ASIC2: variants seen among roughly 807,000 people sequenced by gnomAD.
ASIC2 encodes the protein acid sensing ion channel subunit 2, also known as acid-sensing ion channel 2.
In ASIC2, 25 loss-of-function variants were observed where a neutral mutation model predicts 57.3. That is an observed-to-expected ratio of 0.44 (90% CI 0.32 to 0.61). The LOEUF (loss-of-function observed/expected upper bound fraction) is 0.61, where lower values mean the gene tolerates loss of function less well. ASIC2 is among the 20% of genes least tolerant of loss of function. ASIC2 has a pLI of 0.06. For synonymous variants in ASIC2, 319 were observed against 307.5 expected (o/e 1.04, Z -0.39); for missense variants, 641 against 738.1 (o/e 0.87, Z 1.52).
intron 1 of ASIC2, among the ~76,000 whole-genome samples, chr17:34,133,538 G>A (rs1403310026): frequency 3.3e-5 from 5 of 152,230 alleles, no homozygotes; most frequent in South Asian, 4.1e-4. Context: ...ACATTCACAC[G>A]CATGGCCACA....
chr17:33,218,632 G>A (rs918200123), intron 1 of ASIC2, among the ~76,000 whole-genome samples: 1 of 151,976 alleles, frequency 6.6e-6, no homozygotes, highest in Non-Finnish European at 1.5e-5. Context: ...CATTGCCGGG[G>A]TGGGGGTGGG....
intron 1 of ASIC2, among the ~76,000 whole-genome samples, chr17:33,700,986 T>A (rs1486140827): frequency 6.6e-6 from 1 of 152,154 alleles, no homozygotes; most frequent in African/African-American, 2.4e-5. Context: ...GTAAAATTAA[T>A]CACCACACAA....
intron 9 of ASIC2, 34 bp from the exon 10 acceptor site, chr17:33,014,100 C>G (rs376084583): frequency 1.3e-5 from 20 of 1,523,880 alleles, no homozygotes; most frequent in Non-Finnish European, 1.7e-5. Context: ...GTTTATTATT[C>G]GCTCAGCAAA....
At chr17:33,091,569 C>G (rs2092157780) in intron 2 of ASIC2, among the ~76,000 whole-genome samples, 1 of 152,254 alleles carries the variant, frequency 6.6e-6, no homozygotes, top group African/African-American at 2.4e-5. Context: ...TCAGAAATGC[C>G]ATGAGTAATG....
intron 1 of ASIC2, among the ~76,000 whole-genome samples, chr17:33,720,867 G>T (rs1909369004): frequency 6.6e-6 from 1 of 152,178 alleles, no homozygotes; most frequent in Non-Finnish European, 1.5e-5. Flanking sequence ...GAAAGGGAAG[G>T]TGTTTTAGAG....
At chr17:34,012,292 G>A (rs1259128932) in intron 1 of ASIC2, among the ~76,000 whole-genome samples, 1 of 152,124 alleles carries the variant, frequency 6.6e-6, no homozygotes. Flanking sequence ...CATTTAGACA[G>A]TAGCTACCTG....
chr17:33,156,006 G>A (rs565629217), intron 1 of ASIC2, among the ~76,000 whole-genome samples: 1 of 152,314 alleles, frequency 6.6e-6, no homozygotes, highest in Non-Finnish European at 1.5e-5. Context: ...TAGCAGCTGA[G>A]AGACTGGAGA....
intron 1 of ASIC2, among the ~76,000 whole-genome samples, chr17:34,149,180 C>T (rs965871751): frequency 6.7e-6 from 1 of 150,000 alleles, no homozygotes; most frequent in Non-Finnish European, 1.5e-5. Flanking sequence ...GATCATGGCT[C>T]CCTGCAGCTT....
At chr17:33,473,312 T>C (rs1407975337) in intron 1 of ASIC2, among the ~76,000 whole-genome samples, 2 of 152,260 alleles carry the variant, frequency 1.3e-5, no homozygotes, top group Admixed American at 1.3e-4. Flanking sequence ...TGAAAAGCAC[T>C]GGGTGGATAA....
intron 1 of ASIC2, among the ~76,000 whole-genome samples, chr17:33,886,546 C>G (rs1274186934): frequency 1.3e-5 from 2 of 152,170 alleles, no homozygotes; most frequent in Non-Finnish European, 2.9e-5. Context: ...CATGAGATTA[C>G]AGATTAGTTT....
intron 1 of ASIC2, among the ~76,000 whole-genome samples, chr17:33,558,353 T>A (rs1393683159): frequency 6.6e-6 from 1 of 152,234 alleles, no homozygotes; most frequent in Admixed American, 6.5e-5. Flanking sequence ...TATGTTATCT[T>A]CCTCTGAAGA....
chr17:33,197,979 G>T lies in ASIC2; in HGVS notation c.709-85912C>A, dbSNP rs569442589. Among the ~76,000 whole-genome samples the T allele has an allele frequency of 3.5e-3, 530 of 152,298 alleles. 4 individuals carry two copies. The highest frequency in any genetic ancestry group is 0.012 in the African/African-American group (497 of 41,576). ...TCCTGGGCCTCACAGATGTTAGTGGGGAACCTGGCTCCTGGGAACATTATT... is the reference window on the plus strand; with the variant it reads ...TCCTGGGCCTCACAGATGTTAGTGGTGAACCTGGCTCCTGGGAACATTATT... On this transcript the variant is annotated intron_variant, in intron 1 of 9. Transcript: ENST00000225823.
intron 1 of ASIC2, among the ~76,000 whole-genome samples, chr17:33,227,382 A>G (rs142258563): frequency 1.4e-3 from 216 of 152,300 alleles, no homozygotes; most frequent in Middle Eastern, 3.4e-3. Flanking sequence ...CTGCAGCTCC[A>G]GTACCTATGT....
intron 1 of ASIC2, among the ~76,000 whole-genome samples, chr17:33,317,995 G>A (rs186927877): frequency 8.1e-4 from 123 of 151,974 alleles, no homozygotes; most frequent in Non-Finnish European, 1.2e-3. Context: ...CCTAGGGAAT[G>A]AAACCTCCAG....
chr17:33,874,779 T>G, intron 1 of ASIC2, among the ~76,000 whole-genome samples: 1 of 152,240 alleles, frequency 6.6e-6, no homozygotes, highest in Non-Finnish European at 1.5e-5. Flanking sequence ...CTCCATCACT[T>G]TGTTCCACTG....
chr17:33,118,037 T>C (rs2141993881), intron 1 of ASIC2, among the ~76,000 whole-genome samples: 1 of 152,282 alleles, frequency 6.6e-6, no homozygotes, highest in South Asian at 2.1e-4. Flanking sequence ...ATGGGATTCC[T>C]GGGGGCCAAG....
chr17:34,063,320 C>T (rs970485224), intron 1 of ASIC2, among the ~76,000 whole-genome samples: 5 of 152,058 alleles, frequency 3.3e-5, no homozygotes, highest in Admixed American at 1.3e-4. Context: ...AATCCAGCAT[C>T]CTTTATGATT....
At chr17:33,134,832 C>T (rs925238140) in intron 1 of ASIC2, among the ~76,000 whole-genome samples, 1 of 150,248 alleles carries the variant, frequency 6.7e-6, no homozygotes, top group Non-Finnish European at 1.5e-5. Context: ...GGTTGCTCCA[C>T]AAGACTGGCA....
intron 1 of ASIC2, among the ~76,000 whole-genome samples, chr17:33,786,248 C>T (rs1056477161): frequency 1.3e-5 from 2 of 152,174 alleles, no homozygotes; most frequent in African/African-American, 4.8e-5. Flanking sequence ...GTTACCCTTT[C>T]TGGTAATGGA....
Sources: gnomAD v4.1 joint callset for allele counts (sites outside exome capture counted in the v4.1 genomes callset) on GRCh38, gnomAD v4.1.1 for gene constraint, MANE v1.5 for transcripts, NCBI Gene and HGNC (gene_info 2026-07-23, HGNC 2026-07-21) for gene names.